The following APBA1 variants were observed in gnomAD, a reference collection of about 807,000 sequenced individuals.
APBA1 encodes the protein amyloid beta precursor protein binding family A member 1, also known as amyloid-beta A4 precursor protein-binding family A member 1.
In APBA1, 55 loss-of-function variants were observed where a neutral mutation model predicts 86.6. The ratio of observed to expected loss-of-function variants is 0.64; its 90% CI spans 0.51 to 0.80. The LOEUF (loss-of-function observed/expected upper bound fraction) is 0.80, where lower values mean the gene tolerates loss of function less well. APBA1 is among the 30% of genes least tolerant of loss of function. The pLI is 0.00. For missense variants in APBA1, 1,090 were observed against 1,183.0 expected (o/e 0.92, Z 1.15); for synonymous variants, 511 against 493.9 (o/e 1.03, Z -0.46).
At chr9:69,652,877 G>GCC (rs1588413397) in intron 1 of APBA1, among the ~76,000 whole-genome samples, 1 of 152,100 alleles carries the variant, frequency 6.6e-6, no homozygotes, top group East Asian at 1.9e-4. Context: ...CGCGCCTGTA[G>GCC]TCCTAGCTAC....
chr9:69,658,276 C>CCTTCTTTCTT (rs1823664383), intron 1 of APBA1, among the ~76,000 whole-genome samples: 1 of 79,130 alleles, frequency 1.3e-5, no homozygotes, highest in African/African-American at 4.3e-5. Context: ...TTCTTTCTTT[C>CCTTCTTTCTT]TTTCTTTCTC....
intron 1 of APBA1, among the ~76,000 whole-genome samples, chr9:69,523,840 T>C (rs1836301956): frequency 6.6e-6 from 1 of 151,756 alleles, no homozygotes; most frequent in Admixed American, 6.6e-5. Context: ...ATAAAGCAAG[T>C]CTCCATGAAT....
intron 6 of APBA1, among the ~76,000 whole-genome samples, chr9:69,457,446 G>A (rs1835117834): frequency 1.3e-5 from 2 of 152,148 alleles, no homozygotes; most frequent in Non-Finnish European, 1.5e-5. Context: ...CTCTGTAAGG[G>A]TTTTGGAGCC....
intron 1 of APBA1, among the ~76,000 whole-genome samples, chr9:69,523,948 A>T (rs574842201): frequency 6.6e-6 from 1 of 152,272 alleles, no homozygotes; most frequent in Admixed American, 6.5e-5. Flanking sequence ...AAACCACACA[A>T]TTACATGGAA....
intron 1 of APBA1, among the ~76,000 whole-genome samples, chr9:69,542,371 T>C (rs1371760330): frequency 6.6e-6 from 1 of 152,246 alleles, no homozygotes; most frequent in East Asian, 1.9e-4. Context: ...TATTGTTCCA[T>C]ACAGAATAGT....
chr9:69,561,449 G>T (rs1836944266), intron 1 of APBA1, among the ~76,000 whole-genome samples: 1 of 152,186 alleles, frequency 6.6e-6, no homozygotes. Context: ...TAGCTTGGAT[G>T]CTGGGGGCCT....
chr9:69,569,981 T>C (rs1837090073), intron 1 of APBA1, among the ~76,000 whole-genome samples: 1 of 152,162 alleles, frequency 6.6e-6, no homozygotes, highest in Non-Finnish European at 1.5e-5. Flanking sequence ...AGGCAGAGAT[T>C]TTAAATGCAT....
chr9:69,516,030 T>C lies in APBA1; in HGVS notation c.1181A>G (p.Gln394Arg). ...DISPTRDCDDQRPMDGDSPSP... is the reference protein window; with the variant it reads ...DISPTRDCDDRRPMDGDSPSP... ...ACTTACATCTCCGTCCATCGGCCTC[T>C]GGTCGTCACAGTCCCTGGTGGGGCT... is the stretch of plus-strand genomic sequence containing the variant. The change falls in exon 2 of 13, where the codon CAG becomes CGG. Residue 394 changes from glutamine (Q) to arginine (R), a missense_variant. Transcript: ENST00000265381. This position sits in a 1 kb window ranked among gnomAD's most constrained non-coding sequence, Gnocchi z 7.3. The C allele has an allele frequency of 6.3e-7, 1 of 1,582,176 alleles. No individual in the cohort carries two copies. Among genetic ancestry groups the C allele is most frequent in the African/African-American group, 1.4e-5 (1 of 73,252 alleles).
rs148992203 is a variant in APBA1, at chr9:69,551,885, C to T, written c.-69-34606G>A. On this transcript the variant is annotated intron_variant, in intron 1 of 12. Coordinates refer to ENST00000265381, the MANE Select transcript of APBA1 (RefSeq NM_001163.4). ...CAGTTGCAGGCTTTCTCTTTCTCTA[C>T]TTCCCTTAATTCCATAAAACTTTAA... 7.9e-5 allele frequency among the ~76,000 whole-genome samples: 12 copies of T among 152,322 alleles called. No individual in the cohort carries two copies. The East Asian group carries it at 2.3e-3, about 29-fold the overall frequency.
intron 1 of APBA1, among the ~76,000 whole-genome samples, chr9:69,612,616 G>A (rs895758402): frequency 5.3e-5 from 8 of 151,968 alleles, no homozygotes; most frequent in East Asian, 3.9e-4. Context: ...AGTTCAAAAC[G>A]TTTTGCTTCC....
chr9:69,646,526 C>T (rs1316497324), intron 1 of APBA1, among the ~76,000 whole-genome samples: 1 of 152,194 alleles, frequency 6.6e-6, no homozygotes, highest in Non-Finnish European at 1.5e-5. Flanking sequence ...CACCCTACTC[C>T]TCAACATCCA....
intron 1 of APBA1, among the ~76,000 whole-genome samples, chr9:69,666,356 T>C (rs1369738254): frequency 6.6e-6 from 1 of 152,152 alleles, no homozygotes; most frequent in African/African-American, 2.4e-5. Flanking sequence ...GCTTAAGGTC[T>C]TCCCTGACCA....
At chr9:69,573,715 A>C (rs1260846177) in intron 1 of APBA1, among the ~76,000 whole-genome samples, 2 of 152,112 alleles carry the variant, frequency 1.3e-5, no homozygotes, top group African/African-American at 4.8e-5. Flanking sequence ...GTTTCTGACA[A>C]TTTCCAAGCT....
chr9:69,469,784 G>C (rs546920283), intron 4 of APBA1, among the ~76,000 whole-genome samples: 2 of 152,306 alleles, frequency 1.3e-5, no homozygotes, highest in African/African-American at 4.8e-5. Context: ...GTTCTTCTAT[G>C]ATAAGTTCCT....
chr9:69,471,267 A>G (rs1835362290), intron 4 of APBA1, among the ~76,000 whole-genome samples: 2 of 152,202 alleles, frequency 1.3e-5, no homozygotes, highest in South Asian at 4.1e-4. Flanking sequence ...CTTATTAAAA[A>G]AGACCAAAAT....
chr9:69,616,140 T>C (rs1417214559), intron 1 of APBA1, among the ~76,000 whole-genome samples: 1 of 152,184 alleles, frequency 6.6e-6, no homozygotes, highest in Non-Finnish European at 1.5e-5. Context: ...ACGCAGTGAG[T>C]GACTGTAGCA....
intron 1 of APBA1, among the ~76,000 whole-genome samples, chr9:69,550,940 C>T (rs1440989400): frequency 1.3e-5 from 2 of 151,998 alleles, no homozygotes; most frequent in Admixed American, 1.3e-4. Flanking sequence ...TATGTATAAA[C>T]ATAGATATAT....
Position 69,618,368 on chromosome 9 carries a change from C to T in APBA1, c.-70+53785G>A, listed in dbSNP as rs774355082. On this transcript the variant is annotated intron_variant, in intron 1 of 12. Coordinates refer to ENST00000265381, the MANE Select transcript of APBA1 (RefSeq NM_001163.4). The stretch of plus-strand genomic sequence containing the variant: ...TCACTCAACATTTAGTGTGTTTGCG[C>T]GATGCACAAGAGACACTGTTCTAGA... Among the ~76,000 whole-genome samples, 7 of 152,066 alleles carry T rather than the reference C, an allele frequency of 4.6e-5. 1 individual carries two copies. Among genetic ancestry groups the T allele is most frequent in the South Asian group, 4.2e-4 (2 of 4,814 alleles).
chr9:69,658,224 CTTT>C (rs1397103116), intron 1 of APBA1, among the ~76,000 whole-genome samples: 61 of 14,702 alleles, frequency 4.1e-3, no homozygotes, highest in African/African-American at 5.7e-3. Context: ...TCCTTTCTCT[CTTT>C]CTTTCTTTCT....
Sources: gnomAD v4.1 joint callset for allele counts (sites outside exome capture counted in the v4.1 genomes callset) on GRCh38, gnomAD v4.1.1 for gene constraint, Gnocchi (gnomAD v3.1) non-coding constraint, MANE v1.5 for transcripts, NCBI Gene and HGNC (gene_info 2026-07-23, HGNC 2026-07-21) for gene names.